RALGAPB: variants seen among roughly 807,000 people sequenced by gnomAD.
The protein encoded by RALGAPB is Ral GTPase activating protein non-catalytic subunit beta.
RALGAPB carries 25 observed loss-of-function variants against 161.1 expected under a neutral mutation model. The ratio of observed to expected loss-of-function variants is 0.16; its 90% CI spans 0.11 to 0.22. RALGAPB has a LOEUF of 0.22. RALGAPB is among the 10% of genes least tolerant of loss of function. The pLI, the probability that RALGAPB is intolerant of heterozygous loss-of-function variation, is 1.00. For missense variants in RALGAPB, 1,391 were observed against 1,815.2 expected (o/e 0.77, Z 4.25); for synonymous variants, 629 against 626.1 (o/e 1.00, Z -0.07).
intron 24 of RALGAPB, 62 bp from the exon 25 acceptor site, chr20:38,565,297 A>G (rs2087952702): frequency 4.4e-6 from 7 of 1,576,544 alleles, no homozygotes; most frequent in Non-Finnish European, 6.1e-6. Context: ...TCATGTAGCA[A>G]GATGATACTG....
chr20:38,493,557 A>G (rs1440537119), intron 3 of RALGAPB, among the ~76,000 whole-genome samples: 3 of 152,258 alleles, frequency 2.0e-5, no homozygotes, highest in African/African-American at 7.2e-5. Context: ...TTAGTAAGCC[A>G]AAAGATTCCT....
intron 11 of RALGAPB, 44 bp from the exon 12 acceptor site, chr20:38,525,360 G>A (rs1163289922): frequency 7.4e-7 from 1 of 1,359,546 alleles, no homozygotes; most frequent in African/African-American, 1.5e-5. Context: ...AGCTAAAAAT[G>A]TGCTTTAGTT....
Position 38,553,868 on chromosome 20 carries a change from T to C in RALGAPB, c.3164T>C (p.Leu1055Ser). The part of the protein sequence containing the change: ...PDLHEIVTEE[L>S]EERHEKLRSG... ...AATGAAATATTTGGTTTATTACAGT[T>C]AGAAGAGAGACACGAAAAATTAAGG... is the stretch of plus-strand genomic sequence containing the variant. The change falls in exon 22 of 30, where the codon TTA becomes TCA. Residue 1055 changes from leucine to serine, a missense_variant and splice_region_variant. Around this residue, in one of 3 missense-constraint regions of RALGAPB, gnomAD observed 436 missense variants for 527.0 expected, o/e 0.83. Transcript: ENST00000262879. 6.2e-7 allele frequency: 1 copy of C among 1,605,116 alleles called. No homozygotes were observed. The highest frequency in any genetic ancestry group is 1.1e-5 in the South Asian group (1 of 90,852).
At chr20:38,476,783 G>T (rs1354596221) in intron 1 of RALGAPB, among the ~76,000 whole-genome samples, 1 of 152,288 alleles carries the variant, frequency 6.6e-6, no homozygotes, top group East Asian at 1.9e-4. Context: ...GAGCAAAATT[G>T]TCTAGCACAA....
chr20:38,511,259 A>C (rs1387705800), intron 6 of RALGAPB, among the ~76,000 whole-genome samples: 1 of 152,158 alleles, frequency 6.6e-6, no homozygotes. Context: ...CGAAGATGAG[A>C]ATTGTATTAA....
intron 12 of RALGAPB, 75 bp from the exon 13 acceptor site, chr20:38,525,820 C>T: frequency 1.4e-6 from 2 of 1,450,502 alleles, no homozygotes; most frequent in Non-Finnish European, 9.5e-7. Context: ...TGATCCGTTC[C>T]TCCATCTAGC....
In RALGAPB at chr20:38,521,506, C is replaced by T; in HGVS notation, c.1427C>T (p.Thr476Ile). Reference protein sequence around the residue: ...NRDSSMTAITTQASMEFRRKG... With the variant: ...NRDSSMTAITIQASMEFRRKG... ...CCTTTTCTCTCCCCAGCCATTACAA[C>T]ACAAGCTAGCATGGAGTTTCGACGG... The change falls in exon 10 of 30, where the codon ACA becomes ATA. Residue 476 changes from threonine to isoleucine, a missense_variant. Coordinates refer to ENST00000262879, the MANE Select transcript of RALGAPB (RefSeq NM_020336.4). 6.2e-7 allele frequency: 1 copy of T among 1,614,132 alleles called. No homozygotes were observed. Among genetic ancestry groups the T allele is most frequent in the East Asian group, 2.2e-5 (1 of 44,874 alleles).
At chr20:38,541,247 GA>G in intron 18 of RALGAPB, 55 bp downstream of exon 18, 1 of 1,507,576 alleles carries the variant, frequency 6.6e-7, no homozygotes, top group South Asian at 1.3e-5. Flanking sequence ...GGTTAGCAGT[GA>G]TCCATGTTGT....
At chr20:38,550,376 A>T (rs1021312438) in intron 20 of RALGAPB, among the ~76,000 whole-genome samples, 1 of 152,224 alleles carries the variant, frequency 6.6e-6, no homozygotes, top group Non-Finnish European at 1.5e-5. Context: ...AAATTGGAGC[A>T]TGTGCCTAAA....
chr20:38,578,052 A>C lies in RALGAPB; in HGVS notation c.*3085A>C, dbSNP rs1196751028. 1 of 152,046 alleles carries C rather than the reference A, an allele frequency of 6.6e-6. No homozygotes were observed. Among genetic ancestry groups the C allele is most frequent in the East Asian group, 1.9e-4 (1 of 5,198 alleles). 9.4% of individuals were successfully genotyped at this position (152,046 alleles called of 1,614,324 possible). A position where few individuals can be genotyped will look rare whatever the true frequency, so the allele number is the denominator to read the frequency against. ...TGTTTTGTGGTAGGTGGTAAAAATA[A>C]ATAAATAAATAAATAATAAAAAAAG... On this transcript the variant is annotated 3_prime_UTR_variant, in exon 30 of 30. Transcript: ENST00000262879.
At chr20:38,568,023 T>C (rs543393813) in intron 26 of RALGAPB, among the ~76,000 whole-genome samples, 29 of 152,204 alleles carry the variant, frequency 1.9e-4, no homozygotes, top group Non-Finnish European at 3.8e-4. Flanking sequence ...AGTTTAGAGA[T>C]GATCAGTCAG....
chr20:38,478,844 G>A (rs1030713762), intron 1 of RALGAPB, among the ~76,000 whole-genome samples: 3 of 152,034 alleles, frequency 2.0e-5, no homozygotes, highest in African/African-American at 4.8e-5. Context: ...TCGAACTCCC[G>A]ACCTCAGGTG....
chr20:38,509,360 C>T, intron 6 of RALGAPB, 152 bp downstream of exon 6: 1 of 865,916 alleles, frequency 1.2e-6, no homozygotes. Context: ...CATTTCTGTC[C>T]TGTGCCTCCT....
rs1012734848 is a variant in RALGAPB, at chr20:38,548,910, C to T, written c.3009+115C>T. On this transcript the variant is annotated intron_variant, in intron 20 of 29. Transcript: ENST00000262879. ...TATTTTTGATCCCTAGCCAGATTCT[C>T]AGTCAGTGGGTTCATATCAGAATCA... 5 of 832,976 alleles carry T rather than the reference C, an allele frequency of 6.0e-6. No individual in the cohort carries two copies. The African/African-American group carries it at 6.8e-5, about 11-fold the overall frequency. 51.6% of individuals were successfully genotyped at this position (832,976 alleles called of 1,614,324 possible). A position where few individuals can be genotyped will look rare whatever the true frequency, so the allele number is the denominator to read the frequency against.
At chr20:38,543,439 C>G (rs1470225533) in intron 18 of RALGAPB, among the ~76,000 whole-genome samples, 1 of 152,180 alleles carries the variant, frequency 6.6e-6, no homozygotes, top group African/African-American at 2.4e-5. Context: ...CCCAATTGCC[C>G]TATTTTCGAT....
intron 10 of RALGAPB, among the ~76,000 whole-genome samples, 168 bp downstream of exon 10, chr20:38,521,866 G>T (rs1229180883): frequency 6.6e-6 from 1 of 152,186 alleles, no homozygotes; most frequent in Non-Finnish European, 1.5e-5. Flanking sequence ...ATCAGATTTG[G>T]TAAAGACCCT....
intron 23 of RALGAPB, among the ~76,000 whole-genome samples, chr20:38,560,572 G>T (rs2087753147): frequency 1.3e-5 from 2 of 152,194 alleles, no homozygotes. Context: ...AAGAAGCTCA[G>T]TAAAATTGGA....
chr20:38,498,069 C>A (rs1340983980), intron 4 of RALGAPB, among the ~76,000 whole-genome samples: 582 of 123,578 alleles, frequency 4.7e-3, no homozygotes, highest in Middle Eastern at 0.012. Flanking sequence ...GACTCTGTCT[C>A]AAAAAAAAAA....
chr20:38,547,610 A>G (rs1473203335), intron 19 of RALGAPB: 1 of 152,244 alleles, frequency 6.6e-6, no homozygotes, highest in Non-Finnish European at 1.5e-5. Flanking sequence ...TCATAAATCC[A>G]TGAAGTGAAA....
Sources: allele counts gnomAD v4.1 joint callset (sites outside exome capture counted in the v4.1 genomes callset), GRCh38; gene constraint gnomAD v4.1.1; regional missense constraint gnomAD v4.1.1; transcripts MANE v1.5; gene names NCBI Gene and HGNC (gene_info 2026-07-23, HGNC 2026-07-21).